The following PSPC1 variants were observed in gnomAD, a reference collection of about 807,000 sequenced individuals.
The protein encoded by PSPC1 is paraspeckle protein 1.
In PSPC1, 14 loss-of-function variants were observed where a neutral mutation model predicts 51.6. That is an observed-to-expected ratio of 0.27 (90% confidence interval 0.18 to 0.42). The LOEUF is 0.42. Among genes scored for constraint, PSPC1 ranks in the 10% least tolerant of loss-of-function variants. The pLI, the probability that PSPC1 is intolerant of heterozygous loss-of-function variation, is 1.00. For synonymous variants in PSPC1, 193 were observed against 231.9 expected (o/e 0.83, Z 1.53); for missense variants, 406 against 701.1 (o/e 0.58, Z 4.75).
At chr13:19,673,087 G>GTTTTTTTTTTTTTTTTTTTTTTTTTT, downstream of PSPC1, 1 of 52,654 alleles carries the variant, frequency 1.9e-5, no homozygotes, top group Non-Finnish European at 6.0e-5. Context: ...GAACCTATAC[G>GTTTTTTTTTTTTTTTTTTTTTTTTTT]GTTTTTTTTT....
chr13:19,757,568 A>C (rs1466331215), intron 3 of PSPC1, among the ~76,000 whole-genome samples: 1 of 152,172 alleles, frequency 6.6e-6, no homozygotes, highest in African/African-American at 2.4e-5. Context: ...ACCAATTCAC[A>C]ATTCAGCTAT....
intron 7 of PSPC1, chr13:19,677,585 C>A: frequency 2.9e-6 from 1 of 340,698 alleles, no homozygotes; most frequent in South Asian, 2.3e-5. Flanking sequence ...AAATATTCTA[C>A]TGACTCAAAA....
intron 6 of PSPC1, among the ~76,000 whole-genome samples, chr13:19,711,500 T>A (rs368157331): frequency 9.2e-5 from 14 of 151,526 alleles, no homozygotes; most frequent in African/African-American, 3.4e-4. Flanking sequence ...TAGCCAGGTG[T>A]GGTGGCAGGC....
chr13:19,703,898 C>T (rs189311878), intron 8 of PSPC1, among the ~76,000 whole-genome samples: 63 of 152,186 alleles, frequency 4.1e-4, no homozygotes, highest in Non-Finnish European at 8.2e-4. Context: ...AGAGTGTTTT[C>T]CTTGAAAGAT....
At chr13:19,734,254 A>T (rs888714014) in intron 5 of PSPC1, among the ~76,000 whole-genome samples, 2 of 152,216 alleles carry the variant, frequency 1.3e-5, no homozygotes, top group African/African-American at 4.8e-5. Flanking sequence ...TAAGGAGAGG[A>T]GAACTAGTAA....
At chr13:19,707,240 A>C (rs1171095351) in intron 7 of PSPC1, among the ~76,000 whole-genome samples, 1 of 150,798 alleles carries the variant, frequency 6.6e-6, no homozygotes, top group Non-Finnish European at 1.5e-5. Flanking sequence ...ATAACTATAC[A>C]ACTATGGGTA....
intron 5 of PSPC1, among the ~76,000 whole-genome samples, chr13:19,738,392 T>C (rs1885071915): frequency 1.3e-5 from 2 of 152,166 alleles, no homozygotes; most frequent in African/African-American, 4.8e-5. Context: ...TGACATATGG[T>C]GTAGTATTCG....
At chr13:19,749,514 G>A (rs1439997097) in intron 4 of PSPC1, among the ~76,000 whole-genome samples, 1 of 143,382 alleles carries the variant, frequency 7.0e-6, no homozygotes, top group South Asian at 2.3e-4. Context: ...GCGACAGAGT[G>A]AGATTCTGTC....
chr13:19,730,961 A>AAAACAC (rs1884004248), intron 5 of PSPC1, among the ~76,000 whole-genome samples: 1 of 23,510 alleles, frequency 4.3e-5, no homozygotes, highest in Non-Finnish European at 1.5e-4. Context: ...AAAAAACAAA[A>AAAACAC]AAACAAAAAA....
At chr13:19,781,743 C>G (rs1053734387) in intron 1 of PSPC1, among the ~76,000 whole-genome samples, 2 of 152,012 alleles carry the variant, frequency 1.3e-5, no homozygotes, top group Non-Finnish European at 2.9e-5. Flanking sequence ...GAGTTCGAGA[C>G]CAGCCTGGGC....
intron 1 of PSPC1, among the ~76,000 whole-genome samples, chr13:19,779,389 GC>G (rs1166833932): frequency 1.0e-5 from 1 of 95,550 alleles, no homozygotes; most frequent in Admixed American, 9.5e-5. Context: ...GGGGGGGTCA[GC>G]CCCCCGCCCG....
intron 3 of PSPC1, among the ~76,000 whole-genome samples, chr13:19,752,423 CAT>C (rs1437105898): frequency 6.6e-6 from 1 of 151,794 alleles, no homozygotes; most frequent in Admixed American, 6.6e-5. Flanking sequence ...TTCATATATA[CAT>C]ATATATGTAA....
chr13:19,732,263 A>G (rs1333256697), intron 5 of PSPC1, among the ~76,000 whole-genome samples: 1 of 152,198 alleles, frequency 6.6e-6, no homozygotes, highest in Non-Finnish European at 1.5e-5. Context: ...TGGTTAATCC[A>G]TTTCCTGGAT....
At chr13:19,759,861 CAAAA>C (rs60889099) in intron 2 of PSPC1, among the ~76,000 whole-genome samples, 1 of 131,778 alleles carries the variant, frequency 7.6e-6, no homozygotes, top group African/African-American at 3.0e-5. Context: ...GACTCCATCA[CAAAA>C]AAAAAAAAAA....
intron 7 of PSPC1, among the ~76,000 whole-genome samples, chr13:19,707,361 T>G (rs549301182): frequency 6.6e-6 from 1 of 152,312 alleles, no homozygotes; most frequent in South Asian, 2.1e-4. Context: ...ATATAAAAAA[T>G]GTTAGCATTA....
intron 6 of PSPC1, among the ~76,000 whole-genome samples, chr13:19,686,984 G>A (rs1357016656): frequency 6.6e-6 from 1 of 152,060 alleles, no homozygotes; most frequent in Non-Finnish European, 1.5e-5. Flanking sequence ...ATCATCTGAG[G>A]TCGGGAGTTC....
chr13:19,782,799 T>G lies in PSPC1; in HGVS notation c.-42A>C. ...CGGACACCGGATACAGGCCTAGATT[T>G]ATAGACAGTGTGTCTATATATATGT... On this transcript the variant is annotated 5_prime_UTR_variant, in exon 1 of 9. Coordinates refer to ENST00000338910, the MANE Select transcript of PSPC1 (RefSeq NM_001354909.2). The surrounding 1 kb of genome is among the most constrained non-coding windows in gnomAD (Gnocchi z 4.5). 6.7e-7 allele frequency: 1 copy of G among 1,501,266 alleles called. No individual in the cohort carries two copies. Among genetic ancestry groups the G allele is most frequent in the Non-Finnish European group, 8.7e-7 (1 of 1,142,894 alleles). 93.0% of individuals were successfully genotyped at this position (1,501,266 alleles called of 1,614,324 possible).
chr13:19,710,855 TC>T (rs1259108932), intron 6 of PSPC1, among the ~76,000 whole-genome samples: 1 of 140,098 alleles, frequency 7.1e-6, no homozygotes, highest in East Asian at 2.2e-4. Context: ...TTTTTTTTTT[TC>T]CCAGAGATCC....
At chr13:19,750,324 C>A (rs1293864935) in intron 4 of PSPC1, among the ~76,000 whole-genome samples, 2 of 151,866 alleles carry the variant, frequency 1.3e-5, no homozygotes, top group African/African-American at 4.8e-5. Context: ...CCCAGCTACT[C>A]GGGAGGCTGA....
Sources: gnomAD v4.1 joint callset for allele counts (sites outside exome capture counted in the v4.1 genomes callset) on GRCh38, gnomAD v4.1.1 for gene constraint, Gnocchi (gnomAD v3.1) non-coding constraint, MANE v1.5 for transcripts, NCBI Gene and HGNC (gene_info 2026-07-23, HGNC 2026-07-21) for gene names.